TENM3: variants seen among roughly 807,000 people sequenced by gnomAD.
The protein encoded by TENM3 is teneurin-3.
A neutral mutation model predicts 255.1 loss-of-function variants in TENM3; 63 were observed. The observed-to-expected ratio is 0.25, with a 90% CI of 0.20 to 0.30. TENM3 has a LOEUF of 0.30. TENM3 is among the 10% of genes least tolerant of loss of function. TENM3 has a pLI of 1.00. For missense variants in TENM3, 2,929 were observed against 3,461.1 expected (o/e 0.85, Z 3.86); for synonymous variants, 1,306 against 1,322.3 (o/e 0.99, Z 0.27).
Position 182,445,271 on chromosome 4 carries a change from A to G in TENM3, c.511+98342A>G, listed in dbSNP as rs80339414. Among the ~76,000 whole-genome samples, 30 of 152,348 alleles carry G rather than the reference A, an allele frequency of 2.0e-4. No individual in the cohort carries two copies. In the East Asian group the frequency reaches 5.2e-3, roughly 26 times the overall value. The stretch of plus-strand genomic sequence containing the variant: ...TTCTCTAAGCTCCAGTTCTTCATCT[A>G]TAAAATGGGATGATATTACTCTTCT... On this transcript the variant is annotated intron_variant, in intron 3 of 27. Coordinates refer to ENST00000511685, the MANE Select transcript of TENM3 (RefSeq NM_001080477.4).
At chr4:182,633,076 C>G (rs947636413) in intron 5 of TENM3, among the ~76,000 whole-genome samples, 1 of 151,980 alleles carries the variant, frequency 6.6e-6, no homozygotes, top group African/African-American at 2.4e-5. Flanking sequence ...ACTACAGGCA[C>G]ACACCACCAT....
At chr4:182,366,943 A>C (rs887993769) in intron 3 of TENM3, among the ~76,000 whole-genome samples, 1 of 152,144 alleles carries the variant, frequency 6.6e-6, no homozygotes, top group East Asian at 1.9e-4. Context: ...TAATCCCTAT[A>C]TTACGTATTT....
chr4:182,444,435 T>C (rs1772745198), intron 3 of TENM3, among the ~76,000 whole-genome samples: 1 of 152,152 alleles, frequency 6.6e-6, no homozygotes, highest in Non-Finnish European at 1.5e-5. Flanking sequence ...AATATATATA[T>C]ATTTACAAAT....
At chr4:181,458,621 C>T in the TENM3 span, among the ~76,000 whole-genome samples, 2 of 151,936 alleles carry the variant, frequency 1.3e-5, no homozygotes, top group Non-Finnish European at 2.9e-5. Flanking sequence ...CTTATGACCA[C>T]TTGGCCTCCC....
intron 13 of TENM3, among the ~76,000 whole-genome samples, chr4:182,725,484 A>G (rs2152701724): frequency 6.6e-6 from 1 of 152,258 alleles, no homozygotes; most frequent in South Asian, 2.1e-4. Context: ...AAATAAGCCA[A>G]TAGCATAGTA....
At chr4:182,339,736 G>A (rs914938966) in intron 2 of TENM3, among the ~76,000 whole-genome samples, 2 of 152,086 alleles carry the variant, frequency 1.3e-5, no homozygotes, top group African/African-American at 4.8e-5. Flanking sequence ...TTAAACACCT[G>A]CCGCTTTATG....
At chr4:182,660,872 C>G (rs1318926509) in intron 6 of TENM3, among the ~76,000 whole-genome samples, 4 of 152,102 alleles carry the variant, frequency 2.6e-5, no homozygotes, top group African/African-American at 9.7e-5. Context: ...GGGAATCGAG[C>G]GAGTTATTAC....
chr4:181,904,120 T>C, the TENM3 span, among the ~76,000 whole-genome samples: 1 of 152,132 alleles, frequency 6.6e-6, no homozygotes, highest in Non-Finnish European at 1.5e-5. Context: ...CTTGATACTC[T>C]TCAGTATCAA....
intron 3 of TENM3, among the ~76,000 whole-genome samples, chr4:182,354,916 T>C (rs1765420871): frequency 6.6e-6 from 1 of 152,200 alleles, no homozygotes; most frequent in African/African-American, 2.4e-5. Flanking sequence ...TAAGTCTTCA[T>C]TCAACGAATC....
At chr4:181,497,548 A>C in the TENM3 span, among the ~76,000 whole-genome samples, 1 of 152,182 alleles carries the variant, frequency 6.6e-6, no homozygotes, top group Admixed American at 6.5e-5. Context: ...GTAATGCCTG[A>C]ATAAAGTGAT....
the TENM3 span, among the ~76,000 whole-genome samples, chr4:181,486,195 C>T: frequency 6.6e-6 from 1 of 152,166 alleles, no homozygotes; most frequent in African/African-American, 2.4e-5. Flanking sequence ...GCAATACACA[C>T]CAGGTACAGA....
At chr4:182,748,893 T>G (rs1173448737) in intron 19 of TENM3, among the ~76,000 whole-genome samples, 2 of 152,208 alleles carry the variant, frequency 1.3e-5, no homozygotes, top group Non-Finnish European at 2.9e-5. Flanking sequence ...CCATTGACAT[T>G]TGTTGCTTGA....
the TENM3 span, among the ~76,000 whole-genome samples, chr4:181,529,656 C>T: frequency 6.6e-6 from 1 of 152,044 alleles, no homozygotes; most frequent in Non-Finnish European, 1.5e-5. Context: ...ATAAAGATAC[C>T]ACTTACTGAC....
At chr4:182,563,482 T>C (rs1392201881) in intron 3 of TENM3, among the ~76,000 whole-genome samples, 3 of 152,152 alleles carry the variant, frequency 2.0e-5, no homozygotes, top group Non-Finnish European at 4.4e-5. Flanking sequence ...ACTTTCACTT[T>C]TACTTGATAT....
chr4:182,415,701 A>C (rs1770313323), intron 3 of TENM3, among the ~76,000 whole-genome samples: 1 of 152,236 alleles, frequency 6.6e-6, no homozygotes, highest in Admixed American at 6.5e-5. Context: ...CTAAATTGCC[A>C]ATATGTCAAG....
At chr4:181,707,458 A>G in the TENM3 span, among the ~76,000 whole-genome samples, 3 of 152,208 alleles carry the variant, frequency 2.0e-5, no homozygotes, top group Non-Finnish European at 2.9e-5. Context: ...GTATAATATA[A>G]TCTAGAATTA....
chr4:182,078,583 A>G, the TENM3 span, among the ~76,000 whole-genome samples: 2 of 152,154 alleles, frequency 1.3e-5, no homozygotes, highest in Admixed American at 6.5e-5. Context: ...CAGGCCACAT[A>G]AAGATTTTAA....
intron 1 of TENM3, among the ~76,000 whole-genome samples, chr4:182,316,184 C>A (rs6811101): frequency 0.019 from 2,815 of 152,112 alleles, 86 homozygotes; most frequent in African/African-American, 0.064. Flanking sequence ...CTGTAATATT[C>A]TTAAGCTTTG....
chr4:181,614,315 C>T, the TENM3 span, among the ~76,000 whole-genome samples: 1 of 152,052 alleles, frequency 6.6e-6, no homozygotes, highest in African/African-American at 2.4e-5. Flanking sequence ...GAAATGTTGT[C>T]TTCACATCTC....
Sources: gnomAD v4.1 joint callset for allele counts (sites outside exome capture counted in the v4.1 genomes callset) on GRCh38, gnomAD v4.1.1 for gene constraint, MANE v1.5 for transcripts, NCBI Gene and HGNC (gene_info 2026-07-23, HGNC 2026-07-21) for gene names.